Variants in SORCS1 observed in about 807,000 individuals in gnomAD.
SORCS1 encodes sortilin related VPS10 domain containing receptor 1.
A neutral mutation model predicts 146.1 loss-of-function variants in SORCS1; 60 were observed. That is an observed-to-expected ratio of 0.41 (90% CI 0.33 to 0.51). The LOEUF (loss-of-function observed/expected upper bound fraction) is 0.51, where lower values mean the gene tolerates loss of function less well. Ranked by LOEUF, SORCS1 falls within the 20% of genes least tolerant of loss-of-function variation. The pLI, the probability that SORCS1 is intolerant of heterozygous loss-of-function variation, is 0.21. For missense variants in SORCS1, 1,352 were observed against 1,487.6 expected (o/e 0.91, Z 1.50); for synonymous variants, 637 against 584.0 (o/e 1.09, Z -1.31).
At chr10:106,801,742 G>A (rs1946904998) in intron 3 of SORCS1, among the ~76,000 whole-genome samples, 7 of 152,112 alleles carry the variant, frequency 4.6e-5, no homozygotes, top group Admixed American at 4.6e-4. Flanking sequence ...GTGTTAGCCA[G>A]GACGGTCTCG....
At chr10:107,140,147 T>A (rs1437728975) in intron 1 of SORCS1, among the ~76,000 whole-genome samples, 1 of 152,226 alleles carries the variant, frequency 6.6e-6, no homozygotes, top group African/African-American at 2.4e-5. Flanking sequence ...TTATCTACCA[T>A]TCAAAAAGAA....
chr10:106,621,385 T>C (rs982647359), intron 19 of SORCS1, among the ~76,000 whole-genome samples: 1 of 151,914 alleles, frequency 6.6e-6, no homozygotes, highest in Non-Finnish European at 1.5e-5. Flanking sequence ...CTTTGTCCCA[T>C]GAGGTAGAGG....
At chr10:107,015,074 C>T (rs1169049933) in intron 1 of SORCS1, among the ~76,000 whole-genome samples, 1 of 152,170 alleles carries the variant, frequency 6.6e-6, no homozygotes, top group Non-Finnish European at 1.5e-5. Flanking sequence ...GCAGCTACAA[C>T]CTTTCACCAG....
chr10:107,146,743 C>A (rs954061672), intron 1 of SORCS1, among the ~76,000 whole-genome samples: 1 of 152,134 alleles, frequency 6.6e-6, no homozygotes, highest in Non-Finnish European at 1.5e-5. Context: ...TAGACCCCAA[C>A]TTCACAACTC....
chr10:106,769,947 G>C (rs1859885282), intron 4 of SORCS1, among the ~76,000 whole-genome samples: 1 of 152,128 alleles, frequency 6.6e-6, no homozygotes, highest in South Asian at 2.1e-4. Context: ...GCAAAAATTA[G>C]ACAGGCATGG....
chr10:107,014,271 A>AG (rs1564926937), intron 1 of SORCS1, among the ~76,000 whole-genome samples: 1 of 134,018 alleles, frequency 7.5e-6, no homozygotes, highest in African/African-American at 3.8e-5. Flanking sequence ...AAAAAAAAAA[A>AG]AGAAAAGAAA....
intron 1 of SORCS1, among the ~76,000 whole-genome samples, chr10:107,039,457 A>G (rs1959067814): frequency 6.6e-6 from 1 of 152,214 alleles, no homozygotes; most frequent in Non-Finnish European, 1.5e-5. Context: ...AAATGTGCCA[A>G]GAATATTTTA....
At chr10:107,110,263 C>T (rs1965602936) in intron 1 of SORCS1, among the ~76,000 whole-genome samples, 1 of 152,150 alleles carries the variant, frequency 6.6e-6, no homozygotes, top group Non-Finnish European at 1.5e-5. Context: ...ATACCCAACT[C>T]ATTAGTACCG....
At chr10:106,957,165 G>GTTTTTTTTTTTTTTTTTTTTTTTTT (rs374081494) in intron 1 of SORCS1, among the ~76,000 whole-genome samples, 2 of 138,034 alleles carry the variant, frequency 1.4e-5, no homozygotes, top group Non-Finnish European at 1.5e-5. Context: ...GTTTTTTTTT[G>GTTTTTTTTTTTTTTTTTTTTTTTTT]TTTTTTTTGT....
At chr10:107,077,825 A>T (rs1440348515) in intron 1 of SORCS1, among the ~76,000 whole-genome samples, 1 of 152,128 alleles carries the variant, frequency 6.6e-6, no homozygotes, top group Non-Finnish European at 1.5e-5. Context: ...AATGGAAAAG[A>T]AGAGATTTAG....
intron 1 of SORCS1, among the ~76,000 whole-genome samples, chr10:107,111,170 C>A (rs951156889): frequency 1.3e-5 from 2 of 152,188 alleles, no homozygotes; most frequent in African/African-American, 2.4e-5. Flanking sequence ...AACAACAAAT[C>A]AGGCAAACAT....
rs117866101 is a variant in SORCS1, at chr10:106,964,974, G to T, written c.559-8394C>A. Among the ~76,000 whole-genome samples the T allele has an allele frequency of 6.4e-4, 96 of 150,624 alleles. No homozygotes were observed. In the East Asian group the frequency reaches 0.015, roughly 23 times the overall value. ...TCTAGTAGAATGCCGTTTGCAGCAA[G>T]AAACAGAATGCTAATAGTGACTCAA... On this transcript the variant is annotated intron_variant, in intron 1 of 25. Coordinates refer to ENST00000263054, the MANE Select transcript of SORCS1 (RefSeq NM_052918.5).
intron 6 of SORCS1, among the ~76,000 whole-genome samples, chr10:106,718,509 G>A (rs929396658): frequency 6.6e-6 from 1 of 151,722 alleles, no homozygotes; most frequent in African/African-American, 2.4e-5. Context: ...CAGGAGTGAA[G>A]CCGCAAACCT....
intron 1 of SORCS1, among the ~76,000 whole-genome samples, chr10:106,961,395 A>G (rs1955215411): frequency 6.6e-6 from 1 of 152,248 alleles, no homozygotes; most frequent in Admixed American, 6.5e-5. Flanking sequence ...CTGGTTCTAC[A>G]TACAGCAACT....
chr10:106,731,348 G>A (rs1856587756), intron 5 of SORCS1, among the ~76,000 whole-genome samples: 1 of 150,534 alleles, frequency 6.6e-6, no homozygotes, highest in African/African-American at 2.4e-5. Context: ...AGCCTAGTGC[G>A]GTATCCACGA....
intron 1 of SORCS1, among the ~76,000 whole-genome samples, chr10:107,144,835 C>T (rs1158545723): frequency 6.6e-6 from 1 of 152,222 alleles, no homozygotes; most frequent in African/African-American, 2.4e-5. Flanking sequence ...GACAGAGAGA[C>T]ATTTTGCATT....
At chr10:106,652,247 A>G (rs1487988174) in intron 18 of SORCS1, 135 bp downstream of exon 18, 1 of 860,430 alleles carries the variant, frequency 1.2e-6, no homozygotes, top group African/African-American at 1.7e-5. Flanking sequence ...AAAACAAGGA[A>G]CTAAAAGTAA....
intron 25 of SORCS1, 124 bp from the exon 26 acceptor site, chr10:106,577,679 C>T (rs1376102015): frequency 6.7e-7 from 1 of 1,491,496 alleles, no homozygotes; most frequent in Non-Finnish European, 8.9e-7. Flanking sequence ...ATAAAGCAAA[C>T]AGAGGCTGTG....
chr10:107,018,380 G>T (rs979256035), intron 1 of SORCS1, among the ~76,000 whole-genome samples: 3 of 151,378 alleles, frequency 2.0e-5, no homozygotes, highest in African/African-American at 7.3e-5. Context: ...TAGAGACGGG[G>T]TTTCACCGTG....
Sources: gnomAD v4.1 joint callset for allele counts (sites outside exome capture counted in the v4.1 genomes callset) on GRCh38, gnomAD v4.1.1 for gene constraint, MANE v1.5 for transcripts, NCBI Gene and HGNC (gene_info 2026-07-23, HGNC 2026-07-21) for gene names.